The following TMEM40 variants were observed in gnomAD, a reference collection of about 807,000 sequenced individuals.
TMEM40 encodes transmembrane protein 40.
Under a neutral mutation model 40.8 loss-of-function variants are expected in TMEM40, and 34 were observed. That is an observed-to-expected ratio of 0.83 (90% CI 0.63 to 1.11). The LOEUF (loss-of-function observed/expected upper bound fraction) is 1.11, where lower values mean the gene tolerates loss of function less well. TMEM40 is among the 50% of genes least tolerant of loss of function. The pLI, the probability that TMEM40 is intolerant of heterozygous loss-of-function variation, is 0.00. For missense variants in TMEM40, 296 were observed against 280.2 expected (o/e 1.06, Z -0.40); for synonymous variants, 106 against 107.0 (o/e 0.99, Z 0.06).
intron 3 of TMEM40, among the ~76,000 whole-genome samples, chr3:12,745,747 C>G (rs185965607): frequency 6.6e-6 from 1 of 152,000 alleles, no homozygotes; most frequent in Non-Finnish European, 1.5e-5. Context: ...CTGTGCCCAG[C>G]CTAATACAAG....
rs1203922146 is a variant in TMEM40, at chr3:12,736,576, A to G, written c.619+2T>C. ...TGTGTCCATGCTGGGGGAGGGGCTT[A>G]CCTAGTCCGAAGTAGATGCCAACGG... On this transcript the variant is annotated splice_donor_variant, in intron 10 of 11. Transcript: ENST00000314124. LOFTEE classifies it high-confidence loss of function. 1.9e-6 allele frequency: 3 copies of G among 1,553,476 alleles called. No homozygotes were observed. The highest frequency in any genetic ancestry group is 2.6e-6 in the Non-Finnish European group (3 of 1,147,942).
chr3:12,738,583 G>C lies in TMEM40; in HGVS notation c.361C>G (p.Pro121Ala). The change falls in exon 6 of 12, where the codon CCT (proline) becomes GCT (alanine). Residue 121 changes from proline (P) to alanine (A), a missense_variant. By Grantham distance (27) the Pro-to-Ala change is conservative. Transcript: ENST00000314124. ...TCCCCAGAGGGTACCACCTCTCCAG[G>C]AGCATCTGCACAGAAAGGAAATCAG... ...KDELQLYGDA[P>A]GEVVPSGESG... is the part of the protein sequence containing the mutation. The C allele has an allele frequency of 6.2e-7, 1 of 1,614,010 alleles. No individual in the cohort carries two copies. Among genetic ancestry groups the C allele is most frequent in the Non-Finnish European group, 8.5e-7 (1 of 1,179,994 alleles).
intron 1 of TMEM40, among the ~76,000 whole-genome samples, chr3:12,755,993 T>C (rs1398614455): frequency 6.6e-6 from 1 of 152,176 alleles, no homozygotes; most frequent in African/African-American, 2.4e-5. Flanking sequence ...ACAGGAAAAG[T>C]GTGGGACAGA....
intron 1 of TMEM40, chr3:12,769,219 C>T (rs2061611169): frequency 5.1e-6 from 2 of 391,294 alleles, no homozygotes; most frequent in South Asian, 3.4e-5. Flanking sequence ...TGCGTGCAGC[C>T]CCGGTTCCCG....
chr3:12,768,943 CGGGGGG>C (rs201270035), intron 1 of TMEM40, among the ~76,000 whole-genome samples: 1 of 1,444 alleles, frequency 6.9e-4, no homozygotes, highest in African/African-American at 6.0e-3. Context: ...GCGGGGGGGG[CGGGGGG>C]GGCGGGGGGG....
intron 5 of TMEM40, among the ~76,000 whole-genome samples, chr3:12,740,041 C>G (rs1434237961): frequency 6.8e-6 from 1 of 146,564 alleles, no homozygotes; most frequent in African/African-American, 2.5e-5. Flanking sequence ...ATATAATATA[C>G]TTATATATTA....
At chr3:12,751,840 C>G (rs566267844) in intron 1 of TMEM40, among the ~76,000 whole-genome samples, 1 of 152,246 alleles carries the variant, frequency 6.6e-6, no homozygotes, top group Non-Finnish European at 1.5e-5. Flanking sequence ...AAGAGAGCTG[C>G]TGGCTGATGT....
At position 12,738,571 on chromosome 3, in the gene TMEM40, C is replaced by T. The variant is rs143024232; in HGVS notation, c.373G>A (p.Val125Ile). ...QLYGDAPGEVVPSGESGLRRR... is the reference protein window; with the variant it reads ...QLYGDAPGEVIPSGESGLRRR... ...CACTCACCTGATTCCCCAGAGGGTA[C>T]CACCTCTCCAGGAGCATCTGCACAG... The change falls in exon 6 of 12, where the codon GTA becomes ATA. Residue 125 changes from valine to isoleucine, a missense_variant. Val to Ile is a conservative substitution (Grantham distance 29). Transcript: ENST00000314124. The T allele has an allele frequency of 2.9e-4, 467 of 1,614,036 alleles. 1 individual carries two copies. The African/African-American group carries it at 5.6e-3, about 19-fold the overall frequency.
intron 1 of TMEM40, among the ~76,000 whole-genome samples, chr3:12,750,217 C>T (rs2061464086): frequency 1.3e-5 from 2 of 151,066 alleles, no homozygotes; most frequent in Non-Finnish European, 2.9e-5. Flanking sequence ...TCAAGCAATT[C>T]TCCTACCTTG....
At chr3:12,735,472 C>A in intron 11 of TMEM40, 83 bp downstream of exon 11, 1 of 1,425,484 alleles carries the variant, frequency 7.0e-7, no homozygotes, top group Non-Finnish European at 9.8e-7. Flanking sequence ...AGGCTGTGTT[C>A]TTTCCTGTAT....
rs56223138 is a variant in TMEM40 at position 12,755,283 on chromosome 3, C to CTTTCTTTCTTTCTTTCT, written c.-9+3907_-9+3908insAGAAAGAAAGAAAGAAA. Among the ~76,000 whole-genome samples the CTTTCTTTCTTTCTTTCT allele has an allele frequency of 5.2e-3, 510 of 97,640 alleles. 7 individuals carry two copies. Among genetic ancestry groups the CTTTCTTTCTTTCTTTCT allele is most frequent in the East Asian group, 0.013 (39 of 3,096 alleles). 64.1% of individuals were successfully genotyped at this position (97,640 alleles called of 152,430 possible). The stretch of plus-strand genomic sequence containing the variant: ...TCTTTCTTTCTTTCTTTCTTTCTTT[C>CTTTCTTTCTTTCTTTCT]TTCTTTTCTAGAGACAGGGTCTCAC... On this transcript the variant is annotated intron_variant, in intron 1 of 11. Transcript: ENST00000314124.
chr3:12,737,204 C>CA (rs1188850633), intron 8 of TMEM40, among the ~76,000 whole-genome samples: 1 of 138,450 alleles, frequency 7.2e-6, no homozygotes, highest in Non-Finnish European at 1.6e-5. Flanking sequence ...TTTTTAATTA[C>CA]AAAAAATCTC....
chr3:12,749,629 A>G (rs2061457448), intron 2 of TMEM40, 131 bp downstream of exon 2: 2 of 741,114 alleles, frequency 2.7e-6, no homozygotes, highest in Non-Finnish European at 4.6e-6. Flanking sequence ...TAAAACCACT[A>G]CTTCCCCATT....
In TMEM40 at chr3:12,736,835, T is replaced by A. The variant is rs552698091; in HGVS notation, c.473A>T (p.Asp158Val). Residue 158 changes from aspartate to valine, a missense_variant and splice_region_variant, in exon 9 of 12, where the codon GAT becomes GTT. Transcript: ENST00000314124. Reference protein sequence around the residue: ...QLRRLNIKKDDEFFHFVLLCF... With the variant: ...QLRRLNIKKDVEFFHFVLLCF... ...CAGGAGGACGAAATGGAAAAACTCATCTGTGAAGGCAGGGGTGGGCAATCA... is the reference window on the plus strand; with the variant it reads ...CAGGAGGACGAAATGGAAAAACTCAACTGTGAAGGCAGGGGTGGGCAATCA... 9.3e-6 allele frequency: 15 copies of A among 1,614,076 alleles called. No homozygotes were observed. In the African/African-American group the frequency reaches 1.9e-4, roughly 20 times the overall value.
intron 5 of TMEM40, among the ~76,000 whole-genome samples, chr3:12,740,882 A>G (rs1172013552): frequency 1.3e-5 from 2 of 151,878 alleles, no homozygotes; most frequent in Non-Finnish European, 2.9e-5. Context: ...ATGAAAAACA[A>G]ACCTCCCCCT....
chr3:12,766,261 G>A (rs888649617), intron 1 of TMEM40, among the ~76,000 whole-genome samples: 8 of 152,032 alleles, frequency 5.3e-5, no homozygotes, highest in Admixed American at 5.2e-4. Context: ...GCATCTGATT[G>A]TTTCCAGTTT....
intron 1 of TMEM40, among the ~76,000 whole-genome samples, chr3:12,752,810 A>AGAAAG (rs547680107): frequency 5.9e-5 from 9 of 151,928 alleles, no homozygotes; most frequent in African/African-American, 2.2e-4. Flanking sequence ...CTCAAAAAAA[A>AGAAAG]AAAGAAAGAA....
chr3:12,736,931 T>C lies in TMEM40; in HGVS notation c.473-96A>G, dbSNP rs1244665945. Reference sequence around the variant, plus strand: ...TCTTGCTCTGTCACCCAGGGTGGAGTGCAGTTGTGCGATCCCAGCTCATTG... The same window carrying C: ...TCTTGCTCTGTCACCCAGGGTGGAGCGCAGTTGTGCGATCCCAGCTCATTG... On this transcript the variant is annotated intron_variant, in intron 8 of 11. Transcript: ENST00000314124. 6 of 1,474,524 alleles carry C rather than the reference T, an allele frequency of 4.1e-6. No homozygotes were observed. In the South Asian group the frequency reaches 4.6e-5, roughly 11 times the overall value. 91.3% of individuals were successfully genotyped at this position (1,474,524 alleles called of 1,614,324 possible).
intron 5 of TMEM40, among the ~76,000 whole-genome samples, chr3:12,739,605 G>GTTC (rs2061365870): frequency 6.6e-6 from 1 of 150,700 alleles, no homozygotes; most frequent in African/African-American, 2.4e-5. Flanking sequence ...TTTTTTAATA[G>GTTC]AGACAGGGTC....
Sources: allele counts gnomAD v4.1 joint callset (sites outside exome capture counted in the v4.1 genomes callset), GRCh38; gene constraint gnomAD v4.1.1; transcripts MANE v1.5; gene names NCBI Gene and HGNC (gene_info 2026-07-23, HGNC 2026-07-21).